BMERB1: variants seen among roughly 807,000 people sequenced by gnomAD.
BMERB1 encodes bMERB domain containing 1, also known as bMERB domain-containing protein 1.
In BMERB1, 12 loss-of-function variants were observed where a neutral mutation model predicts 23.6. The observed-to-expected ratio is 0.51, with a 90% CI of 0.33 to 0.82. The LOEUF (loss-of-function observed/expected upper bound fraction) is 0.82, where lower values mean the gene tolerates loss of function less well. Ranked by LOEUF, BMERB1 falls within the 40% of genes least tolerant of loss-of-function variation. BMERB1 has a pLI of 0.03. For missense variants in BMERB1, 247 were observed against 255.4 expected, an observed-to-expected ratio of 0.97 and a Z score of 0.22; for synonymous variants, 122 against 96.6, an observed-to-expected ratio of 1.26 and a Z score of -1.54.
At chr16:15,490,630 G>C (rs2051411718) in intron 1 of BMERB1, among the ~76,000 whole-genome samples, 1 of 152,028 alleles carries the variant, frequency 6.6e-6, no homozygotes, top group Non-Finnish European at 1.5e-5. Context: ...TGTGATCCTG[G>C]GTGCGTGTGC....
intron 2 of BMERB1, among the ~76,000 whole-genome samples, chr16:15,519,108 C>T (rs2051817759): frequency 6.8e-6 from 1 of 147,380 alleles, no homozygotes; most frequent in Non-Finnish European, 1.5e-5. Context: ...CACACACACA[C>T]GTGAGACACT....
intron 1 of BMERB1, among the ~76,000 whole-genome samples, chr16:15,503,269 G>A (rs1250082866): frequency 6.6e-6 from 1 of 152,014 alleles, no homozygotes; most frequent in African/African-American, 2.4e-5. Context: ...TTATATCCGG[G>A]TCTTGAACAT....
chr16:15,543,873 A>T (rs1036672096), intron 2 of BMERB1, among the ~76,000 whole-genome samples: 1 of 152,214 alleles, frequency 6.6e-6, no homozygotes, highest in Non-Finnish European at 1.5e-5. Context: ...AAGAAGCCAC[A>T]AAAGAGTCTT....
At chr16:15,505,869 CAG>C (rs1381611782) in intron 1 of BMERB1, among the ~76,000 whole-genome samples, 2 of 135,806 alleles carry the variant, frequency 1.5e-5, no homozygotes, top group Admixed American at 8.0e-5. Context: ...GCCTGGGTGA[CAG>C]AGCGAGACGC....
Position 15,550,499 on chromosome 16 carries a change from ATT to A in BMERB1, c.231-17468_231-17467del, listed in dbSNP as rs1291834316. On this transcript the variant is annotated intron_variant, in intron 2 of 5. Transcript: ENST00000300006. The stretch of plus-strand genomic sequence containing the variant: ...AGGTGCCCACCACCATGCCTGGCTA[ATT>A]TTTTTTTTTTTTTTTAAGTAGAGAC... Among the ~76,000 whole-genome samples, 28 of 141,014 alleles carry A rather than the reference ATT, an allele frequency of 2.0e-4. 1 individual carries two copies. Among genetic ancestry groups the A allele is most frequent in the African/African-American group, 3.9e-4 (15 of 38,622 alleles). 92.5% of individuals were successfully genotyped at this position (141,014 alleles called of 152,430 possible). A position where few individuals can be genotyped will look rare whatever the true frequency, so the allele number is the denominator to read the frequency against.
In BMERB1 at chr16:15,533,321, A is replaced by G. The variant is rs572641871; in HGVS notation, c.230+17893A>G. ...TCAAGGTTGTTGAAACGACGAGAGAAGTCTCAAGGGGCACCTAAGATTTGT... is the reference window on the plus strand; with the variant it reads ...TCAAGGTTGTTGAAACGACGAGAGAGGTCTCAAGGGGCACCTAAGATTTGT... On this transcript the variant is annotated intron_variant, in intron 2 of 5. Coordinates refer to ENST00000300006, the MANE Select transcript of BMERB1 (RefSeq NM_033201.3). Among the ~76,000 whole-genome samples, 3 of 151,980 alleles carry G rather than the reference A, an allele frequency of 2.0e-5. No individual in the cohort carries two copies. In the East Asian group the frequency reaches 5.8e-4, roughly 29 times the overall value.
At chr16:15,496,624 C>T (rs930714997) in intron 1 of BMERB1, among the ~76,000 whole-genome samples, 18 of 152,108 alleles carry the variant, frequency 1.2e-4, no homozygotes, top group South Asian at 4.2e-4. Context: ...CTACAAGCTC[C>T]GCCTCCCGGG....
chr16:15,471,519 C>T (rs1373793421), intron 1 of BMERB1, among the ~76,000 whole-genome samples: 1 of 152,122 alleles, frequency 6.6e-6, no homozygotes, highest in Admixed American at 6.6e-5. Context: ...TTGCAGTATT[C>T]CCTTGTTATC....
chr16:15,495,840 G>A (rs527761152), intron 1 of BMERB1, among the ~76,000 whole-genome samples: 1 of 152,312 alleles, frequency 6.6e-6, no homozygotes, highest in South Asian at 2.1e-4. Flanking sequence ...TTCTGGGAGG[G>A]AGGTGAAGTT....
chr16:15,470,878 T>TCAGGCTG (rs2051224082), intron 1 of BMERB1, among the ~76,000 whole-genome samples: 1 of 112,914 alleles, frequency 8.9e-6, no homozygotes, highest in Non-Finnish European at 1.7e-5. Flanking sequence ...GCTTTGTCAC[T>TCAGGCTG]CAGGCTGCAG....
chr16:15,577,326 G>A (rs2030890805), intron 3 of BMERB1: 1 of 152,146 alleles, frequency 6.6e-6, no homozygotes, highest in Non-Finnish European at 1.5e-5. Context: ...TTCATTAAAA[G>A]GAAAACCTTA....
At chr16:15,522,963 C>T (rs1284459766) in intron 2 of BMERB1, among the ~76,000 whole-genome samples, 3 of 152,160 alleles carry the variant, frequency 2.0e-5, no homozygotes, top group African/African-American at 7.2e-5. Flanking sequence ...TTTCTGTATC[C>T]TGGGTTCTTG....
In BMERB1 at chr16:15,531,945, C is replaced by T. The variant is rs2051971743; in HGVS notation, c.230+16517C>T. 3.3e-5 allele frequency among the ~76,000 whole-genome samples: 5 copies of T among 152,200 alleles called. No individual in the cohort carries two copies. In the South Asian group the frequency reaches 1.0e-3, roughly 31 times the overall value. ...CAAAGAGAAATGGGAGGGAATAAAA[C>T]TGCAAGTGACTTAGCAGAGCTGCCT... On this transcript the variant is annotated intron_variant, in intron 2 of 5. Transcript: ENST00000300006.
At chr16:15,502,598 T>G (rs1167716563) in intron 1 of BMERB1, among the ~76,000 whole-genome samples, 6 of 152,168 alleles carry the variant, frequency 3.9e-5, no homozygotes, top group Admixed American at 1.3e-4. Context: ...GGAATGAGCT[T>G]CTTTCCTACA....
chr16:15,497,581 A>G (rs2051485566), intron 1 of BMERB1, among the ~76,000 whole-genome samples: 1 of 152,214 alleles, frequency 6.6e-6, no homozygotes, highest in Non-Finnish European at 1.5e-5. Flanking sequence ...TCTGTCCTCC[A>G]GAACTATAAT....
chr16:15,516,266 A>G (rs1232375725), intron 2 of BMERB1, among the ~76,000 whole-genome samples: 1 of 151,564 alleles, frequency 6.6e-6, no homozygotes, highest in Non-Finnish European at 1.5e-5. Context: ...TCTACAAAAA[A>G]TAAAATTAGC....
At chr16:15,549,373 G>GT (rs926050024) in intron 2 of BMERB1, among the ~76,000 whole-genome samples, 1 of 149,368 alleles carries the variant, frequency 6.7e-6, no homozygotes, top group African/African-American at 2.5e-5. Flanking sequence ...AAAAAATGGA[G>GT]TGATTGCTTT....
intron 2 of BMERB1, among the ~76,000 whole-genome samples, chr16:15,544,992 A>C (rs2052119716): frequency 6.7e-6 from 1 of 149,538 alleles, no homozygotes; most frequent in African/African-American, 2.4e-5. Context: ...TTTTTTTTTG[A>C]GACGGAGTCT....
At chr16:15,464,526 G>C (rs2051165379) in intron 1 of BMERB1, among the ~76,000 whole-genome samples, 1 of 152,098 alleles carries the variant, frequency 6.6e-6, no homozygotes, top group Non-Finnish European at 1.5e-5. Context: ...AGTGCTGCTG[G>C]TTGACAATTC....
Sources: gnomAD v4.1 joint callset for allele counts (sites outside exome capture counted in the v4.1 genomes callset) on GRCh38, gnomAD v4.1.1 for gene constraint, MANE v1.5 for transcripts, NCBI Gene and HGNC (gene_info 2026-07-23, HGNC 2026-07-21) for gene names.